The following CCDC171 variants were observed in gnomAD, a reference collection of about 807,000 sequenced individuals.
The protein encoded by CCDC171 is coiled-coil domain containing 171.
Under a neutral mutation model 168.2 loss-of-function variants are expected in CCDC171, and 177 were observed. That is an observed-to-expected ratio of 1.05 (90% CI 0.93 to 1.19). The LOEUF is 1.19. CCDC171 is among the 50% of genes most tolerant of loss of function. The pLI is 0.00. For missense variants in CCDC171, 1,991 were observed against 1,539.0 expected (o/e 1.29, Z -4.91); for synonymous variants, 687 against 540.8 (o/e 1.27, Z -3.75).
At chr9:15,934,881 T>C (rs370167011) in intron 25 of CCDC171, among the ~76,000 whole-genome samples, 5 of 152,150 alleles carry the variant, frequency 3.3e-5, no homozygotes, top group East Asian at 1.9e-4. Flanking sequence ...GAAATCGTTA[T>C]GCTAAGTGAA....
intron 24 of CCDC171, among the ~76,000 whole-genome samples, chr9:15,903,072 G>C (rs1258945271): frequency 3.3e-5 from 5 of 152,202 alleles, no homozygotes; most frequent in Non-Finnish European, 7.3e-5. Flanking sequence ...GCTCAAGGAA[G>C]CGTGCCTGCC....
At chr9:16,060,455 C>T (rs546116998) in intron 1 of CCDC171, among the ~76,000 whole-genome samples, 1 of 152,320 alleles carries the variant, frequency 6.6e-6, no homozygotes, top group East Asian at 1.9e-4. Context: ...AAAACAGACC[C>T]CCCAGGCTGG....
chr9:16,099,288 C>T, the CCDC171 span, among the ~76,000 whole-genome samples: 1 of 152,142 alleles, frequency 6.6e-6, no homozygotes, highest in Non-Finnish European at 1.5e-5. Flanking sequence ...CCCTGTTCCC[C>T]CTGGTTTATT....
intron 1 of CCDC171, among the ~76,000 whole-genome samples, chr9:16,045,083 G>A (rs1833638842): frequency 6.6e-6 from 1 of 152,132 alleles, no homozygotes; most frequent in Non-Finnish European, 1.5e-5. Context: ...TCCTTGTGGT[G>A]GAGAGTGCTT....
At chr9:15,719,664 A>G in intron 11 of CCDC171, among the ~76,000 whole-genome samples, 1 of 152,146 alleles carries the variant, frequency 6.6e-6, no homozygotes, top group East Asian at 1.9e-4. Flanking sequence ...ACTTTATTTT[A>G]TTTAGAATAT....
chr9:15,847,052 A>G (rs1172883224), intron 22 of CCDC171, among the ~76,000 whole-genome samples: 2 of 152,266 alleles, frequency 1.3e-5, no homozygotes, highest in East Asian at 1.9e-4. Context: ...TCAGAAAAGT[A>G]TAAGCTTCTA....
chr9:16,052,899 TC>T (rs1833774340), intron 1 of CCDC171, among the ~76,000 whole-genome samples: 1 of 151,902 alleles, frequency 6.6e-6, no homozygotes, highest in Non-Finnish European at 1.5e-5. Context: ...CTTTCCAGAT[TC>T]CCTTTTCCCA....
At chr9:15,823,308 AAAACTT>A (rs1442712634) in intron 21 of CCDC171, among the ~76,000 whole-genome samples, 1 of 152,204 alleles carries the variant, frequency 6.6e-6, no homozygotes, top group African/African-American at 2.4e-5. Context: ...CTTGTACCCT[AAAACTT>A]AAAGTATAAT....
Position 15,971,757 on chromosome 9 carries a change from C to G in CCDC171, c.3902C>G (p.Pro1301Arg), listed in dbSNP as rs1358287628. The G allele has an allele frequency of 6.2e-7, 1 of 1,613,816 alleles. No individual in the cohort carries two copies. The highest frequency in any genetic ancestry group is 1.3e-5 in the African/African-American group (1 of 74,884). Residue 1301 changes from proline (P) to arginine (R), a missense_variant, in exon 26 of 26, where the codon CCC becomes CGC. Transcript: ENST00000380701. ...FLKETFINTV[P>R]HALTSSHSSP... Reference sequence around the variant, plus strand: ...AAGGAGACATTTATAAATACTGTGCCCCATGCTCTGACATCATCTCACTCC... The same window carrying G: ...AAGGAGACATTTATAAATACTGTGCGCCATGCTCTGACATCATCTCACTCC...
At chr9:16,028,104 C>G (rs1294229813) in intron 6 of CCDC171, among the ~76,000 whole-genome samples, 1 of 152,118 alleles carries the variant, frequency 6.6e-6, no homozygotes, top group Non-Finnish European at 1.5e-5. Context: ...TAAGCAAAGG[C>G]AGGAGATATG....
intron 24 of CCDC171, chr9:15,888,051 G>A (rs770212): frequency 0.85 from 129,805 of 152,224 alleles, 55,462 homozygotes; most frequent in East Asian, 0.96. Context: ...ACTGTGCAGC[G>A]TGACTGGCCG....
At chr9:15,678,672 T>A (rs1297659199) in intron 9 of CCDC171, 86 bp from the exon 10 acceptor site, 1 of 1,093,250 alleles carries the variant, frequency 9.1e-7, no homozygotes, top group Non-Finnish European at 1.3e-6. Context: ...TGATATGTAG[T>A]ACATCTGCCA....
chr9:15,663,148 G>A (rs370972555), intron 8 of CCDC171, among the ~76,000 whole-genome samples: 10 of 152,264 alleles, frequency 6.6e-5, no homozygotes, highest in Middle Eastern at 3.4e-3. Flanking sequence ...GCCCAAAGTC[G>A]CATTAGTTAA....
intron 24 of CCDC171, among the ~76,000 whole-genome samples, chr9:15,898,275 TG>T (rs915014849): frequency 3.3e-5 from 5 of 152,138 alleles, no homozygotes; most frequent in African/African-American, 1.2e-4. Context: ...TTGTAGAGTG[TG>T]GGGTTCACCT....
At chr9:15,828,253 TC>T (rs1374041338) in intron 21 of CCDC171, among the ~76,000 whole-genome samples, 1 of 150,830 alleles carries the variant, frequency 6.6e-6, no homozygotes, top group Non-Finnish European at 1.5e-5. Flanking sequence ...AGATGAAACA[TC>T]TTGAAAGCAT....
intron 8 of CCDC171, among the ~76,000 whole-genome samples, chr9:15,663,861 C>G (rs964771075): frequency 6.6e-6 from 1 of 152,136 alleles, no homozygotes; most frequent in African/African-American, 2.4e-5. Context: ...CTGCCTCGGC[C>G]TCCCAAAGTG....
At chr9:16,095,182 A>G in the CCDC171 span, among the ~76,000 whole-genome samples, 1 of 152,144 alleles carries the variant, frequency 6.6e-6, no homozygotes, top group Admixed American at 6.5e-5. Context: ...AGGGACTAAT[A>G]TAGCATGGGA....
intron 9 of CCDC171, among the ~76,000 whole-genome samples, chr9:15,671,746 C>G (rs1354489840): frequency 1.3e-5 from 2 of 152,174 alleles, no homozygotes; most frequent in Admixed American, 6.5e-5. Flanking sequence ...ATTTTCTTAA[C>G]CCAGTCTATC....
chr9:15,623,467 G>GCGCT, intron 7 of CCDC171, 54 bp downstream of exon 7: 1 of 587,396 alleles, frequency 1.7e-6, no homozygotes, highest in Non-Finnish European at 2.6e-6. Context: ...TCACATATGC[G>GCGCT]CGCGCGCGCA....
Sources: allele counts gnomAD v4.1 joint callset (sites outside exome capture counted in the v4.1 genomes callset), GRCh38; gene constraint gnomAD v4.1.1; transcripts MANE v1.5; gene names NCBI Gene and HGNC (gene_info 2026-07-23, HGNC 2026-07-21).